SUCLG2: variants seen among roughly 807,000 people sequenced by gnomAD.
SUCLG2 encodes the protein succinate-CoA ligase GDP-forming subunit beta, also known as succinate--CoA ligase [GDP-forming] subunit beta, mitochondrial.
A neutral mutation model predicts 47.9 loss-of-function variants in SUCLG2; 42 were observed. The observed-to-expected ratio is 0.88, with a 90% CI of 0.69 to 1.14. SUCLG2 has a LOEUF of 1.14. SUCLG2 is among the 50% of genes most tolerant of loss of function. The probability of loss-of-function intolerance (pLI) is 0.00; values close to 1 mark genes in which losing one functional copy is unlikely to be tolerated. For missense variants in SUCLG2, 571 were observed against 525.9 expected (o/e 1.09, Z -0.84); for synonymous variants, 195 against 197.3 (o/e 0.99, Z 0.10).
intron 10 of SUCLG2, among the ~76,000 whole-genome samples, chr3:67,386,144 A>G (rs550024241): frequency 1.3e-5 from 2 of 152,154 alleles, no homozygotes; most frequent in Non-Finnish European, 2.9e-5. Flanking sequence ...ACTGGAGTGC[A>G]GTGGCGCGAT....
intron 7 of SUCLG2, among the ~76,000 whole-genome samples, chr3:67,502,501 C>A (rs1705522874): frequency 6.6e-6 from 1 of 152,186 alleles, no homozygotes; most frequent in South Asian, 2.1e-4. Context: ...CAATGGGGAT[C>A]AGAGTATGTT....
chr3:67,499,169 C>T (rs1413497017), intron 7 of SUCLG2, among the ~76,000 whole-genome samples: 1 of 134,214 alleles, frequency 7.5e-6, no homozygotes, highest in Non-Finnish European at 1.7e-5. Flanking sequence ...TACACTGAAG[C>T]AAATTAACAC....
intron 9 of SUCLG2, among the ~76,000 whole-genome samples, chr3:67,420,611 G>T (rs1275893762): frequency 1.3e-5 from 2 of 152,156 alleles, no homozygotes; most frequent in Non-Finnish European, 2.9e-5. Context: ...GAAGAGCAAG[G>T]AGAATCTCAA....
intron 2 of SUCLG2, among the ~76,000 whole-genome samples, chr3:67,552,075 C>T (rs1707028332): frequency 6.7e-6 from 1 of 149,228 alleles, no homozygotes; most frequent in Admixed American, 6.8e-5. Flanking sequence ...CAAATATGAC[C>T]AGAACTCCTG....
At chr3:67,373,228 G>A (rs1440038425), downstream of SUCLG2, among the ~76,000 whole-genome samples, 1 of 151,012 alleles carries the variant, frequency 6.6e-6, no homozygotes, top group African/African-American at 2.4e-5. Context: ...TTTTATCAAG[G>A]CTTTGCACTT....
rs373092437 is a variant in SUCLG2, at chr3:67,536,607, T to C, written c.227-7421A>G. 1.4e-4 allele frequency among the ~76,000 whole-genome samples: 22 copies of C among 152,334 alleles called. No individual in the cohort carries two copies. In the East Asian group the frequency reaches 1.7e-3, roughly 12 times the overall value. ...GTCTTCTTCTCATTTAGACACATCA[T>C]CCATCAGGAACCCTTCACCTCTCCA... On this transcript the variant is annotated intron_variant, in intron 2 of 10. Transcript: ENST00000307227.
chr3:67,436,255 G>A (rs751363229), intron 9 of SUCLG2, among the ~76,000 whole-genome samples: 1 of 152,148 alleles, frequency 6.6e-6, no homozygotes, highest in African/African-American at 2.4e-5. Context: ...TCCTGCAGGA[G>A]AAAAAGTAAG....
At position 67,393,008 on chromosome 3, in the gene SUCLG2, T is replaced by G. The variant is rs560932964; in HGVS notation, c.1183+7723A>C. Among the ~76,000 whole-genome samples the G allele has an allele frequency of 1.1e-3, 167 of 151,032 alleles. 2 individuals are homozygous for G. Among genetic ancestry groups the G allele is most frequent in the Middle Eastern group, 6.9e-3 (2 of 288 alleles). The stretch of plus-strand genomic sequence containing the variant: ...CACTGTACTTTTTACTACCACATAC[T>G]CACAGTAAGAAAAAAAAAATTGGGG... On this transcript the variant is annotated intron_variant, in intron 10 of 10. Coordinates refer to ENST00000307227, the MANE Select transcript of SUCLG2 (RefSeq NM_003848.4).
intron 10 of SUCLG2, chr3:67,360,798 G>GT (rs978007820): frequency 1.3e-6 from 2 of 1,481,902 alleles, no homozygotes; most frequent in Non-Finnish European, 1.8e-6. Flanking sequence ...CTTGTAATGA[G>GT]TTTTTTCTTG....
intron 2 of SUCLG2, among the ~76,000 whole-genome samples, chr3:67,573,591 C>T (rs1366346831): frequency 6.6e-6 from 1 of 152,126 alleles, no homozygotes; most frequent in Non-Finnish European, 1.5e-5. Context: ...GAGACAGCCA[C>T]ATGGGAGGGG....
At chr3:67,623,484 G>A (rs1281961888) in intron 1 of SUCLG2, among the ~76,000 whole-genome samples, 1 of 152,080 alleles carries the variant, frequency 6.6e-6, no homozygotes, top group African/African-American at 2.4e-5. Context: ...CTGGATGACA[G>A]AGTGAGACTC....
intron 2 of SUCLG2, among the ~76,000 whole-genome samples, chr3:67,607,033 T>C (rs1389520936): frequency 2.0e-5 from 3 of 152,224 alleles, no homozygotes; most frequent in African/African-American, 4.8e-5. Flanking sequence ...AATTAGAATA[T>C]TGAAATATGG....
intron 10 of SUCLG2, among the ~76,000 whole-genome samples, chr3:67,384,120 C>G (rs149055800): frequency 2.8e-3 from 426 of 152,304 alleles, no homozygotes; most frequent in African/African-American, 9.6e-3. Flanking sequence ...CTGTGTCACT[C>G]AGTGTGATTC....
intron 9 of SUCLG2, among the ~76,000 whole-genome samples, chr3:67,468,092 G>C (rs1250855549): frequency 2.0e-5 from 3 of 152,136 alleles, no homozygotes; most frequent in Admixed American, 6.5e-5. Flanking sequence ...TGTGGGTTGA[G>C]GAGGTAGAGC....
chr3:67,415,149 C>T (rs1017321248), intron 9 of SUCLG2, among the ~76,000 whole-genome samples: 1 of 152,150 alleles, frequency 6.6e-6, no homozygotes, highest in Non-Finnish European at 1.5e-5. Flanking sequence ...AGCCACCATG[C>T]TTGGCCAGAA....
At chr3:67,423,615 C>T (rs2106865719) in intron 9 of SUCLG2, among the ~76,000 whole-genome samples, 1 of 152,242 alleles carries the variant, frequency 6.6e-6, no homozygotes, top group East Asian at 1.9e-4. Context: ...AATACTCACA[C>T]ATCATGCTGC....
chr3:67,579,445 A>C (rs1435215660), intron 2 of SUCLG2, among the ~76,000 whole-genome samples: 2 of 152,238 alleles, frequency 1.3e-5, no homozygotes, highest in Non-Finnish European at 2.9e-5. Flanking sequence ...GCCCTTCAGA[A>C]CTACAAGTTT....
At chr3:67,533,702 G>A (rs1046503831) in intron 2 of SUCLG2, among the ~76,000 whole-genome samples, 1 of 152,064 alleles carries the variant, frequency 6.6e-6, no homozygotes, top group Admixed American at 6.5e-5. Flanking sequence ...CTATGTTTGC[G>A]TTACGACTTC....
Position 67,654,550 on chromosome 3 carries a change from G to A in SUCLG2, c.37C>T (p.Leu13=). 7.9e-7 allele frequency: 1 copy of A among 1,270,286 alleles called. No individual in the cohort carries two copies. The highest frequency in any genetic ancestry group is 9.9e-7 in the Non-Finnish European group (1 of 1,005,602). 78.7% of individuals were successfully genotyped at this position (1,270,286 alleles called of 1,614,324 possible). ...CGGGGCCGCAGCGCTAGGGCTCGCA[G>A]AAGCTTCCCGGCCTGCGCTGCTACG... ...SPVAAQAGKL[L]RALALRPRFL... is the part of the protein sequence containing the mutation. The change falls in exon 1 of 11, where the codon CTG becomes TTG. Residue 13 remains leucine, a synonymous_variant. Transcript: ENST00000307227.
Sources: allele counts gnomAD v4.1 joint callset (sites outside exome capture counted in the v4.1 genomes callset), GRCh38; gene constraint gnomAD v4.1.1; transcripts MANE v1.5; gene names NCBI Gene and HGNC (gene_info 2026-07-23, HGNC 2026-07-21).